Variants in ALDH1L1 observed in about 807,000 individuals in gnomAD.
ALDH1L1 encodes aldehyde dehydrogenase 1 family member L1.
Under a neutral mutation model 101.1 loss-of-function variants are expected in ALDH1L1, and 68 were observed. That is an observed-to-expected ratio of 0.67 (90% CI 0.55 to 0.82). ALDH1L1 has a LOEUF of 0.82. ALDH1L1 is among the 40% of genes least tolerant of loss of function. ALDH1L1 has a pLI of 0.00. For synonymous variants in ALDH1L1, 486 were observed against 470.8 expected (o/e 1.03, Z -0.42); for missense variants, 1,087 against 1,172.7 (o/e 0.93, Z 1.07).
Position 126,136,753 on chromosome 3 carries a change from C to A in ALDH1L1, c.1344+11G>T. ...GGGAATGTGGAGAAGGGGTGCTGGG[C>A]CTGCACTCACACTTCCATCGGTGGG... On this transcript the variant is annotated intron_variant, in intron 11 of 22. Coordinates refer to ENST00000393434, the MANE Select transcript of ALDH1L1 (RefSeq NM_012190.4). 1 of 1,561,360 alleles carries A rather than the reference C, an allele frequency of 6.4e-7. No homozygotes were observed. Among genetic ancestry groups the A allele is most frequent in the East Asian group, 2.4e-5 (1 of 42,038 alleles).
chr3:126,121,563 G>C (rs1028117170), intron 16 of ALDH1L1, among the ~76,000 whole-genome samples: 1 of 152,198 alleles, frequency 6.6e-6, no homozygotes, highest in Admixed American at 6.5e-5. Flanking sequence ...TGGAAGGCCA[G>C]CTTGAGGAGC....
intron 2 of ALDH1L1, among the ~76,000 whole-genome samples, chr3:126,159,776 G>C (rs114188867): frequency 0.018 from 2,752 of 152,262 alleles, 103 homozygotes; most frequent in African/African-American, 0.063. Flanking sequence ...GCTGTGGTGG[G>C]GTCAGGGTAT....
At chr3:126,116,390 C>T (rs920063193) in intron 17 of ALDH1L1, among the ~76,000 whole-genome samples, 1 of 152,066 alleles carries the variant, frequency 6.6e-6, no homozygotes, top group Admixed American at 6.5e-5. Context: ...CGTGCCACCA[C>T]ATGCCTGGTT....
chr3:126,106,773 A>G (rs1479345420), intron 21 of ALDH1L1, among the ~76,000 whole-genome samples: 1 of 152,144 alleles, frequency 6.6e-6, no homozygotes, highest in Non-Finnish European at 1.5e-5. Flanking sequence ...TTGAACCTAG[A>G]CCGTGACTAA....
intron 2 of ALDH1L1, 84 bp from the exon 3 acceptor site, chr3:126,158,723 A>T: frequency 7.6e-7 from 1 of 1,323,664 alleles, no homozygotes; most frequent in South Asian, 1.3e-5. Flanking sequence ...AGAGCAGCTC[A>T]TAGGACTTCT....
At chr3:126,164,689 A>G (rs995933054) in intron 1 of ALDH1L1, among the ~76,000 whole-genome samples, 4 of 152,216 alleles carry the variant, frequency 2.6e-5, no homozygotes, top group African/African-American at 7.2e-5. Flanking sequence ...ATACAAGCGC[A>G]TGTGTCTTTT....
At position 126,153,552 on chromosome 3, in the gene ALDH1L1, G is replaced by C; in HGVS notation, c.750C>G (p.Asn250Lys). 1 of 1,613,876 alleles carries C rather than the reference G, an allele frequency of 6.2e-7. No individual in the cohort carries two copies. Among genetic ancestry groups the C allele is most frequent in the Non-Finnish European group, 8.5e-7 (1 of 1,179,918 alleles). The part of the protein sequence containing the change: ...QKLTFFNSTL[N>K]TSGLVPEGDA... ...CTCCCTCGGGCACCAGGCCTGAAGTGTTCAGCGTTGAGTTGAAAAATGTCA... is the reference window on the plus strand; with the variant it reads ...CTCCCTCGGGCACCAGGCCTGAAGTCTTCAGCGTTGAGTTGAAAAATGTCA... Residue 250 changes from asparagine to lysine, a missense_variant, in exon 7 of 23, where the codon AAC becomes AAG. This residue lies in a region of ALDH1L1 where 645 missense variants were observed against 637.0 expected (regional missense o/e 1.01). Transcript: ENST00000393434.
intron 1 of ALDH1L1, among the ~76,000 whole-genome samples, chr3:126,195,383 G>C (rs113563308): frequency 1.3e-5 from 2 of 151,982 alleles, no homozygotes; most frequent in Non-Finnish European, 2.9e-5. Flanking sequence ...ATTAATTAGA[G>C]CTCTCTTATA....
At chr3:126,196,333 G>A (rs1407932809) in intron 1 of ALDH1L1, among the ~76,000 whole-genome samples, 1 of 150,824 alleles carries the variant, frequency 6.6e-6, no homozygotes, top group Admixed American at 6.6e-5. Context: ...TAGATTTTGA[G>A]AGGGATCTAT....
intron 13 of ALDH1L1, among the ~76,000 whole-genome samples, chr3:126,130,875 G>A (rs1316241028): frequency 1.3e-5 from 2 of 152,238 alleles, no homozygotes; most frequent in African/African-American, 2.4e-5. Flanking sequence ...CCTCCTATGA[G>A]GTGTTGACTG....
At chr3:126,153,279 G>T in intron 7 of ALDH1L1, 165 bp downstream of exon 7, 1 of 1,068,546 alleles carries the variant, frequency 9.4e-7, no homozygotes. Flanking sequence ...CCTGTGCTCA[G>T]GACCAGCCGG....
intron 2 of ALDH1L1, chr3:126,159,271 C>T: frequency 2.6e-6 from 1 of 381,850 alleles, no homozygotes; most frequent in Non-Finnish European, 5.1e-6. Context: ...ATACAGCCTG[C>T]AGGGCCCCTC....
At chr3:126,187,068 G>C (rs1180655710) in intron 1 of ALDH1L1, among the ~76,000 whole-genome samples, 1 of 152,134 alleles carries the variant, frequency 6.6e-6, no homozygotes, top group Non-Finnish European at 1.5e-5. Flanking sequence ...GCCATTCCTG[G>C]AGCACACACT....
At chr3:126,181,115 A>G (rs2081469347), upstream of ALDH1L1, 1 of 998,656 alleles carries the variant, frequency 1.0e-6, no homozygotes, top group East Asian at 2.6e-5. Context: ...CGAGAGAAAA[A>G]CAGCCCCTGG....
chr3:126,124,120 C>CACACAA (rs923990141), intron 16 of ALDH1L1, among the ~76,000 whole-genome samples: 2 of 49,042 alleles, frequency 4.1e-5, no homozygotes, highest in African/African-American at 1.7e-4. Context: ...GACACACACA[C>CACACAA]ACACACACAC....
At chr3:126,171,059 G>A (rs1327671245) in intron 1 of ALDH1L1, among the ~76,000 whole-genome samples, 1 of 152,200 alleles carries the variant, frequency 6.6e-6, no homozygotes, top group East Asian at 1.9e-4. Context: ...AGCACTTTGG[G>A]AGGCCGAGGC....
At chr3:126,144,688 C>A (rs985993498) in intron 9 of ALDH1L1, among the ~76,000 whole-genome samples, 1 of 152,174 alleles carries the variant, frequency 6.6e-6, no homozygotes, top group African/African-American at 2.4e-5. Flanking sequence ...TTGCCCCACA[C>A]ATAAAAATAT....
Position 126,158,521 on chromosome 3 carries a change from G to T in ALDH1L1, c.246C>A (p.Val82=). Residue 82 remains valine, a synonymous_variant, in exon 3 of 23, where the codon GTC becomes GTA. Coordinates refer to ENST00000393434, the MANE Select transcript of ALDH1L1 (RefSeq NM_012190.4). ...KYQALGAELN[V]LPFCSQFIPM... is the part of the protein sequence containing the mutation. Reference sequence around the variant, plus strand: ...GGATGAATTGGCTGCAGAAGGGCAGGACGTTGAGCTCGGCCCCCAAAGCCT... The same window carrying T: ...GGATGAATTGGCTGCAGAAGGGCAGTACGTTGAGCTCGGCCCCCAAAGCCT... 6.2e-7 allele frequency: 1 copy of T among 1,614,214 alleles called. No homozygotes were observed. Among genetic ancestry groups the T allele is most frequent in the Non-Finnish European group, 8.5e-7 (1 of 1,180,014 alleles).
chr3:126,173,334 A>C (rs1019133247), intron 1 of ALDH1L1, among the ~76,000 whole-genome samples: 4 of 152,188 alleles, frequency 2.6e-5, no homozygotes, highest in African/African-American at 9.6e-5. Flanking sequence ...AATACTCTGC[A>C]ATAAGGCCCT....
Sources: gnomAD v4.1 joint callset for allele counts (sites outside exome capture counted in the v4.1 genomes callset) on GRCh38, gnomAD v4.1.1 for gene constraint, gnomAD v4.1.1 regional missense constraint, MANE v1.5 for transcripts, NCBI Gene and HGNC (gene_info 2026-07-23, HGNC 2026-07-21) for gene names.